Variants in RTN4 observed in about 807,000 individuals in gnomAD.
RTN4 encodes the protein reticulon 4, also known as reticulon-4.
RTN4 carries 32 observed loss-of-function variants against 90.4 expected under a neutral mutation model. The observed-to-expected ratio is 0.35, with a 90% CI of 0.27 to 0.48. RTN4 has a LOEUF of 0.48. Ranked by LOEUF, RTN4 falls within the 20% of genes least tolerant of loss-of-function variation. RTN4 has a pLI of 0.99. For synonymous variants in RTN4, 629 were observed against 552.5 expected (o/e 1.14, Z -1.94); for missense variants, 1,706 against 1,430.2 (o/e 1.19, Z -3.11).
the RTN4 span, among the ~76,000 whole-genome samples, chr2:55,137,366 G>A: frequency 1.3e-5 from 2 of 152,272 alleles, no homozygotes; most frequent in Non-Finnish European, 2.9e-5. Context: ...TCTATGCAGT[G>A]ACGCTACGGA....
At chr2:55,069,823 C>T (rs1668455413) in intron 2 of RTN4, among the ~76,000 whole-genome samples, 1 of 152,122 alleles carries the variant, frequency 6.6e-6, no homozygotes, top group African/African-American at 2.4e-5. Flanking sequence ...TGGAACTGAA[C>T]CATGTCAATT....
At chr2:55,045,020 A>AT (rs1683327766) in intron 1 of RTN4, among the ~76,000 whole-genome samples, 1 of 152,138 alleles carries the variant, frequency 6.6e-6, no homozygotes, top group African/African-American at 2.4e-5. Context: ...CTTGGACTTT[A>AT]TATTAAGAAC....
the RTN4 span, among the ~76,000 whole-genome samples, chr2:55,121,515 A>G: frequency 6.6e-6 from 1 of 152,246 alleles, no homozygotes; most frequent in Non-Finnish European, 1.5e-5. Context: ...TGTTCTGTTT[A>G]TTACCAGTCT....
Position 54,973,865 on chromosome 2 carries a change from G to A in RTN4, c.3433C>T (p.Leu1145Phe), listed in dbSNP as rs1242594536. Reference protein sequence around the residue: ...FNGLTLLILALISLFSVPVIY... With the variant: ...FNGLTLLILAFISLFSVPVIY... ...ACAGGAACACTGAAGAGTGAAATGA[G>A]AGCTGAAAAGGGAAATATACAACTT... The change falls in exon 7 of 9, where the codon CTC (leucine) becomes TTC (phenylalanine). Residue 1145 changes from leucine to phenylalanine, a missense_variant and splice_region_variant. Transcript: ENST00000337526. 1 of 1,611,838 alleles carries A rather than the reference G, an allele frequency of 6.2e-7. No homozygotes were observed. Among genetic ancestry groups the A allele is most frequent in the African/African-American group, 1.3e-5 (1 of 74,814 alleles).
At chr2:54,991,730 T>G (rs919539876) in intron 3 of RTN4, among the ~76,000 whole-genome samples, 2 of 152,204 alleles carry the variant, frequency 1.3e-5, no homozygotes, top group East Asian at 1.9e-4. Context: ...TAGATTTTTT[T>G]GGGGAGAAGG....
intron 5 of RTN4, among the ~76,000 whole-genome samples, chr2:54,981,620 TGCCTGTTTC>T (rs1678134543): frequency 6.6e-6 from 1 of 152,226 alleles, no homozygotes; most frequent in Non-Finnish European, 1.5e-5. Flanking sequence ...TGTGGTTTAG[TGCCTGTTTC>T]GTCAGTCAGA....
In RTN4 at chr2:55,076,273, G is replaced by T. The variant is rs531586116; in HGVS notation, c.-63+4216C>A. Among the ~76,000 whole-genome samples, 3 of 151,494 alleles carry T rather than the reference G, an allele frequency of 2.0e-5. No homozygotes were observed. The East Asian group carries it at 5.8e-4, about 29-fold the overall frequency. On this transcript the variant is annotated intron_variant, in intron 2 of 3. Coordinates refer to the RTN4 transcript ENST00000427710. ...CAATCCCATCAAAAAGTGGGCTAAG[G>T]ACATGAATAGGCAATTCTCAAAAGA...
intron 3 of RTN4, among the ~76,000 whole-genome samples, chr2:55,005,098 C>T (rs752030329): frequency 3.3e-5 from 5 of 152,038 alleles, no homozygotes; most frequent in Admixed American, 3.3e-4. Context: ...TAATGACAGA[C>T]GAAATTATAA....
intron 1 of RTN4, among the ~76,000 whole-genome samples, chr2:55,042,218 A>C (rs945335826): frequency 6.6e-6 from 1 of 152,182 alleles, no homozygotes; most frequent in African/African-American, 2.4e-5. Flanking sequence ...TTTGAATGAC[A>C]CTTTGGCATT....
the RTN4 span, among the ~76,000 whole-genome samples, chr2:55,132,894 T>G: frequency 1.2e-4 from 2 of 16,630 alleles, no homozygotes; most frequent in Admixed American, 2.1e-3. Context: ...AGTTTTGTTG[T>G]TGTTTTTTTT....
At chr2:55,062,953 T>C (rs565586209) in intron 2 of RTN4, among the ~76,000 whole-genome samples, 11 of 152,338 alleles carry the variant, frequency 7.2e-5, no homozygotes, top group South Asian at 4.1e-4. Flanking sequence ...GCATGATGGC[T>C]GGAACTGGGG....
At chr2:55,021,274 T>C (rs1159030074) in intron 3 of RTN4, among the ~76,000 whole-genome samples, 1 of 152,140 alleles carries the variant, frequency 6.6e-6, no homozygotes, top group Non-Finnish European at 1.5e-5. Flanking sequence ...GGTAAGTACC[T>C]ATCCTCACTA....
intron 1 of RTN4, among the ~76,000 whole-genome samples, chr2:55,082,127 A>G (rs928132575): frequency 6.6e-6 from 1 of 152,158 alleles, no homozygotes; most frequent in African/African-American, 2.4e-5. Context: ...TAAAGACAGT[A>G]TCTTTAATCT....
intron 1 of RTN4, among the ~76,000 whole-genome samples, chr2:55,094,328 G>T (rs1004271565): frequency 1.3e-5 from 2 of 152,198 alleles, no homozygotes; most frequent in Non-Finnish European, 2.9e-5. Flanking sequence ...AGAACTGTAG[G>T]AAATACATGT....
intron 1 of RTN4, among the ~76,000 whole-genome samples, chr2:55,033,141 C>T (rs1176944410): frequency 6.6e-6 from 1 of 150,762 alleles, no homozygotes; most frequent in African/African-American, 2.4e-5. Context: ...GCTCAATGTA[C>T]TCCAAGCAGA....
In RTN4 at chr2:55,027,152, A is replaced by G. The variant is rs764518493; in HGVS notation, c.947T>C (p.Val316Ala). 6.2e-7 allele frequency: 1 copy of G among 1,613,514 alleles called. No individual in the cohort carries two copies. Among genetic ancestry groups the G allele is most frequent in the Non-Finnish European group, 8.5e-7 (1 of 1,179,792 alleles). ...VSPKAESAVI[V>A]ANPREEIIVK... ...GATTATTTCTTCCCTAGGATTTGCT[A>G]CTATTACGGCAGATTCTGCTTTTGG... Residue 316 changes from valine to alanine, a missense_variant, in exon 3 of 9, where the codon GTA becomes GCA. Coordinates refer to ENST00000337526, the MANE Select transcript of RTN4 (RefSeq NM_020532.5).
At chr2:55,021,397 C>CA (rs914509340) in intron 3 of RTN4, among the ~76,000 whole-genome samples, 2 of 151,368 alleles carry the variant, frequency 1.3e-5, no homozygotes, top group Admixed American at 6.6e-5. Flanking sequence ...CCCTGCCCCC[C>CA]CCGCCAAAAA....
intron 1 of RTN4, among the ~76,000 whole-genome samples, chr2:55,093,319 C>T (rs1242696781): frequency 6.6e-6 from 1 of 151,444 alleles, no homozygotes; most frequent in African/African-American, 2.4e-5. Context: ...GCATGTATAC[C>T]TGTATGTTGT....
At chr2:55,132,454 G>A in the RTN4 span, among the ~76,000 whole-genome samples, 1 of 151,268 alleles carries the variant, frequency 6.6e-6, no homozygotes. Context: ...AGTGAGCCAA[G>A]ATGGTGCCAC....
Sources: gnomAD v4.1 joint callset for allele counts (sites outside exome capture counted in the v4.1 genomes callset) on GRCh38, gnomAD v4.1.1 for gene constraint, MANE v1.5 for transcripts, NCBI Gene and HGNC (gene_info 2026-07-23, HGNC 2026-07-21) for gene names.